Variants in FHIT observed in about 807,000 individuals in gnomAD.
The protein encoded by FHIT is bis(5'-adenosyl)-triphosphatase.
FHIT carries 19 observed loss-of-function variants against 17.9 expected under a neutral mutation model. That is an observed-to-expected ratio of 1.06 (90% CI 0.74 to 1.56). FHIT has a LOEUF of 1.56. Ranked by LOEUF, FHIT falls within the 40% of genes most tolerant of loss-of-function variation. FHIT has a pLI of 0.00. For synonymous variants in FHIT, 81 were observed against 69.7 expected (o/e 1.16, Z -0.81); for missense variants, 248 against 189.2 (o/e 1.31, Z -1.82).
chr3:60,307,710 T>C (rs2106740124), intron 5 of FHIT, among the ~76,000 whole-genome samples: 1 of 152,248 alleles, frequency 6.6e-6, no homozygotes, highest in South Asian at 2.1e-4. Flanking sequence ...GACCAGTCTA[T>C]TCCTGGGGTC....
intron 5 of FHIT, among the ~76,000 whole-genome samples, chr3:60,500,803 T>C (rs567316479): frequency 2.4e-5 from 3 of 122,906 alleles, no homozygotes; most frequent in East Asian, 2.1e-4. Flanking sequence ...AAAAATTGTA[T>C]TGGTGCTCTA....
chr3:60,824,738 C>G lies in FHIT; in HGVS notation c.-110-2727G>C, dbSNP rs1461712874. 4.6e-5 allele frequency among the ~76,000 whole-genome samples: 7 copies of G among 152,216 alleles called. No homozygotes were observed. In the East Asian group the frequency reaches 1.4e-3, roughly 29 times the overall value. ...GCTGTTCTCATGAGAGTGAATAAGT[C>G]TCGAGAGATCTGATGGTTTAAAACA... On this transcript the variant is annotated intron_variant, in intron 3 of 9. Coordinates refer to ENST00000492590, the MANE Select transcript of FHIT (RefSeq NM_002012.4).
At chr3:60,377,917 T>C (rs976137777) in intron 5 of FHIT, among the ~76,000 whole-genome samples, 5 of 152,322 alleles carry the variant, frequency 3.3e-5, no homozygotes, top group African/African-American at 1.2e-4. Flanking sequence ...CATAAATTCA[T>C]GGACTAATGA....
chr3:59,810,787 T>G (rs541076548), intron 8 of FHIT, among the ~76,000 whole-genome samples: 2 of 152,318 alleles, frequency 1.3e-5, no homozygotes, highest in East Asian at 1.9e-4. Flanking sequence ...CTTCCAAGCT[T>G]ATAATTAAAG....
intron 5 of FHIT, among the ~76,000 whole-genome samples, chr3:60,090,350 T>G (rs1703678161): frequency 6.6e-6 from 1 of 152,176 alleles, no homozygotes; most frequent in Admixed American, 6.5e-5. Context: ...TTCTACAGCT[T>G]GGGAATACTA....
chr3:60,556,302 G>A (rs1338054263), intron 4 of FHIT, among the ~76,000 whole-genome samples: 5 of 152,160 alleles, frequency 3.3e-5, no homozygotes, highest in African/African-American at 9.7e-5. Flanking sequence ...CAGATGCAGA[G>A]GAGACAGAAA....
intron 3 of FHIT, among the ~76,000 whole-genome samples, chr3:60,906,793 G>A (rs4974248): frequency 0.96 from 146,280 of 152,234 alleles, 70,553 homozygotes; most frequent in East Asian, 1. Flanking sequence ...TAGGTATGCT[G>A]TATTTCAATA....
At chr3:59,857,435 T>C (rs1390784902) in intron 8 of FHIT, among the ~76,000 whole-genome samples, 1 of 152,168 alleles carries the variant, frequency 6.6e-6, no homozygotes, top group African/African-American at 2.4e-5. Flanking sequence ...ACATATAAGA[T>C]TTATGATAAT....
chr3:60,459,240 C>A (rs2032309514), intron 5 of FHIT, among the ~76,000 whole-genome samples: 2 of 152,096 alleles, frequency 1.3e-5, no homozygotes, highest in African/African-American at 2.4e-5. Flanking sequence ...AAGGGTTGAG[C>A]CAGAAATTTA....
At chr3:61,247,418 C>G (rs4296587) in intron 1 of FHIT, among the ~76,000 whole-genome samples, 88,114 of 152,060 alleles carry the variant, frequency 0.58, 29,188 homozygotes, top group African/African-American at 0.88. Context: ...TAACCCTGAG[C>G]CTCCTGGGAT....
At chr3:60,817,189 A>G (rs782631543) in intron 4 of FHIT, among the ~76,000 whole-genome samples, 1 of 152,072 alleles carries the variant, frequency 6.6e-6, no homozygotes, top group Non-Finnish European at 1.5e-5. Context: ...AGTCATATGG[A>G]TTACATCTGT....
intron 4 of FHIT, among the ~76,000 whole-genome samples, chr3:60,797,219 A>G (rs1480084505): frequency 6.6e-6 from 1 of 152,180 alleles, no homozygotes; most frequent in Non-Finnish European, 1.5e-5. Context: ...CAAATGATGT[A>G]ATTGCCCTAG....
chr3:59,976,969 T>C (rs1201359441), intron 7 of FHIT, among the ~76,000 whole-genome samples: 2 of 152,050 alleles, frequency 1.3e-5, no homozygotes, highest in Non-Finnish European at 2.9e-5. Flanking sequence ...ATTGAGATGC[T>C]GCACACCACC....
At chr3:60,007,628 C>G (rs776416066) in intron 7 of FHIT, among the ~76,000 whole-genome samples, 1 of 151,946 alleles carries the variant, frequency 6.6e-6, no homozygotes, top group Non-Finnish European at 1.5e-5. Flanking sequence ...GAAAGCCTAA[C>G]GAATATATTT....
intron 8 of FHIT, among the ~76,000 whole-genome samples, chr3:59,915,021 C>A (rs1705064829): frequency 6.6e-6 from 1 of 152,114 alleles, no homozygotes; most frequent in Non-Finnish European, 1.5e-5. Context: ...ACTGAAACAG[C>A]CCATTATTCA....
At chr3:60,870,294 T>G (rs1431622253) in intron 3 of FHIT, among the ~76,000 whole-genome samples, 1 of 152,134 alleles carries the variant, frequency 6.6e-6, no homozygotes, top group African/African-American at 2.4e-5. Context: ...AGACTTGACT[T>G]TCAACTGATA....
chr3:60,512,255 GTC>G (rs1235201131), intron 5 of FHIT, among the ~76,000 whole-genome samples: 1 of 152,126 alleles, frequency 6.6e-6, no homozygotes, highest in African/African-American at 2.4e-5. Context: ...TCAGATTAAA[GTC>G]TATTTAATTG....
chr3:60,671,520 G>C (rs2040503789), intron 4 of FHIT, among the ~76,000 whole-genome samples: 1 of 151,858 alleles, frequency 6.6e-6, no homozygotes, highest in Non-Finnish European at 1.5e-5. Context: ...GGTTACACAG[G>C]GTGTTCACTA....
chr3:60,655,771 T>C (rs1274201410), intron 4 of FHIT, among the ~76,000 whole-genome samples: 1 of 152,200 alleles, frequency 6.6e-6, no homozygotes, highest in Admixed American at 6.5e-5. Flanking sequence ...ATCCCCAAGA[T>C]TGCTGTCTCC....
Sources: gnomAD v4.1 joint callset for allele counts (sites outside exome capture counted in the v4.1 genomes callset) on GRCh38, gnomAD v4.1.1 for gene constraint, MANE v1.5 for transcripts, NCBI Gene and HGNC (gene_info 2026-07-23, HGNC 2026-07-21) for gene names.